The following KCNJ3 variants were observed in gnomAD, a reference collection of about 807,000 sequenced individuals.
The protein encoded by KCNJ3 is potassium inwardly rectifying channel subfamily J member 3, also known as G protein-activated inward rectifier potassium channel 1.
Under a neutral mutation model 39.2 loss-of-function variants are expected in KCNJ3, and 4 were observed. The observed-to-expected ratio is 0.10, with a 90% confidence interval of 0.05 to 0.23. The LOEUF (loss-of-function observed/expected upper bound fraction) is 0.23. Among genes scored for constraint, KCNJ3 ranks in the 10% least tolerant of loss-of-function variants. The pLI is 1.00. For synonymous variants in KCNJ3, 230 were observed against 237.4 expected (o/e 0.97, Z 0.29); for missense variants, 276 against 634.9 (o/e 0.43, Z 6.08).
At chr2:154,756,916 A>G (rs1685948113) in intron 2 of KCNJ3, among the ~76,000 whole-genome samples, 1 of 152,072 alleles carries the variant, frequency 6.6e-6, no homozygotes, top group Non-Finnish European at 1.5e-5. Flanking sequence ...ATGTGAGAGG[A>G]TTTTGACTGA....
intron 2 of KCNJ3, among the ~76,000 whole-genome samples, chr2:154,775,501 G>A (rs529655869): frequency 4.6e-5 from 7 of 152,114 alleles, no homozygotes; most frequent in Admixed American, 4.6e-4. Flanking sequence ...TCCTTAATAT[G>A]TACATTTCTT....
intron 2 of KCNJ3, among the ~76,000 whole-genome samples, chr2:154,842,959 T>C (rs1355027528): frequency 6.6e-6 from 1 of 152,218 alleles, no homozygotes; most frequent in Non-Finnish European, 1.5e-5. Context: ...TATTGTTATG[T>C]GTGAATTTGA....
chr2:154,774,319 C>T (rs1686293697), intron 2 of KCNJ3, among the ~76,000 whole-genome samples: 1 of 152,074 alleles, frequency 6.6e-6, no homozygotes, highest in Non-Finnish European at 1.5e-5. Context: ...ATTTCATCTC[C>T]AAGACTAGTT....
chr2:154,776,457 A>G (rs1365365063), intron 2 of KCNJ3, among the ~76,000 whole-genome samples: 2 of 152,142 alleles, frequency 1.3e-5, no homozygotes, highest in Non-Finnish European at 2.9e-5. Context: ...TACACATAAT[A>G]TATTGGCACA....
chr2:154,837,815 C>T (rs527388336), intron 2 of KCNJ3, among the ~76,000 whole-genome samples: 8 of 152,210 alleles, frequency 5.3e-5, no homozygotes, highest in African/African-American at 1.4e-4. Context: ...TTCCATCCAC[C>T]CCAGAATGTA....
At chr2:154,833,635 C>T (rs541635872) in intron 2 of KCNJ3, among the ~76,000 whole-genome samples, 4 of 152,234 alleles carry the variant, frequency 2.6e-5, no homozygotes, top group African/African-American at 9.6e-5. Context: ...GTATAACCAT[C>T]GTTGTGTATC....
chr2:154,709,938 G>A (rs1396049759), intron 2 of KCNJ3, 119 bp downstream of exon 2: 2 of 1,185,436 alleles, frequency 1.7e-6, no homozygotes, highest in Non-Finnish European at 1.2e-6. Context: ...TGAAAGTAAT[G>A]ATTTGCCTTT....
chr2:154,806,073 TTAAA>T (rs1299918454), intron 2 of KCNJ3, among the ~76,000 whole-genome samples: 1 of 152,208 alleles, frequency 6.6e-6, no homozygotes, highest in Non-Finnish European at 1.5e-5. Flanking sequence ...AGTGAGATGC[TTAAA>T]TAGAGTACAA....
intron 1 of KCNJ3, among the ~76,000 whole-genome samples, chr2:154,700,262 T>G (rs972204434): frequency 6.6e-6 from 1 of 152,218 alleles, no homozygotes; most frequent in Non-Finnish European, 1.5e-5. Context: ...AAAGAAGAAT[T>G]GCTTCCTACC....
chr2:154,818,432 G>T (rs924553765), intron 2 of KCNJ3, among the ~76,000 whole-genome samples: 1 of 152,088 alleles, frequency 6.6e-6, no homozygotes, highest in African/African-American at 2.4e-5. Flanking sequence ...TCTCCATCTG[G>T]AGAACAGAAG....
chr2:154,806,846 C>T (rs539092455), intron 2 of KCNJ3, among the ~76,000 whole-genome samples: 11 of 152,278 alleles, frequency 7.2e-5, no homozygotes, highest in African/African-American at 2.6e-4. Flanking sequence ...GTAACTTTCT[C>T]TTTAAGTCTC....
intron 2 of KCNJ3, among the ~76,000 whole-genome samples, chr2:154,747,095 G>A (rs1387767316): frequency 6.6e-6 from 1 of 151,898 alleles, no homozygotes; most frequent in Admixed American, 6.6e-5. Flanking sequence ...GCACTTGAGA[G>A]TTGTGTTTTA....
At chr2:154,727,609 A>AG (rs1685382418) in intron 2 of KCNJ3, among the ~76,000 whole-genome samples, 3 of 150,944 alleles carry the variant, frequency 2.0e-5, no homozygotes, top group African/African-American at 2.4e-5. Context: ...AAAAAAAAAA[A>AG]AGAGAGAAAA....
chr2:154,766,885 G>C (rs1260795118), intron 2 of KCNJ3, among the ~76,000 whole-genome samples: 1 of 151,990 alleles, frequency 6.6e-6, no homozygotes, highest in African/African-American at 2.4e-5. Context: ...CCATCTATCT[G>C]TTAATGCCGA....
intron 2 of KCNJ3, among the ~76,000 whole-genome samples, chr2:154,812,035 A>C (rs999094572): frequency 7.9e-5 from 12 of 152,204 alleles, no homozygotes; most frequent in African/African-American, 2.9e-4. Flanking sequence ...ATTCTTTAAG[A>C]GGAAAATGAT....
chr2:154,799,631 C>T (rs993898403), intron 2 of KCNJ3, among the ~76,000 whole-genome samples: 8 of 152,150 alleles, frequency 5.3e-5, no homozygotes, highest in African/African-American at 1.9e-4. Flanking sequence ...CCAGACTTAG[C>T]ATACAGGTCC....
chr2:154,750,951 A>G (rs773051874), intron 2 of KCNJ3, among the ~76,000 whole-genome samples: 1 of 152,020 alleles, frequency 6.6e-6, no homozygotes, highest in Non-Finnish European at 1.5e-5. Context: ...TGAGTTTTGC[A>G]TATTATCATT....
At chr2:154,734,659 G>A (rs1371193661) in intron 2 of KCNJ3, among the ~76,000 whole-genome samples, 2 of 152,160 alleles carry the variant, frequency 1.3e-5, no homozygotes, top group African/African-American at 4.8e-5. Context: ...CATGCCTACT[G>A]TTCTGTCCAG....
At chr2:154,826,843 G>A (rs1350061666) in intron 2 of KCNJ3, among the ~76,000 whole-genome samples, 2 of 152,000 alleles carry the variant, frequency 1.3e-5, no homozygotes, top group African/African-American at 2.4e-5. Flanking sequence ...TGTCAGGGGC[G>A]GGGTGATATT....
Sources: allele counts gnomAD v4.1 joint callset (sites outside exome capture counted in the v4.1 genomes callset), GRCh38; gene constraint gnomAD v4.1.1; transcripts MANE v1.5; gene names NCBI Gene and HGNC (gene_info 2026-07-23, HGNC 2026-07-21).